Variants in GPC3 observed in about 807,000 individuals in gnomAD.
GPC3 encodes the protein glypican 3.
GPC3 carries 3 observed loss-of-function variants against 34.4 expected under a neutral mutation model. That is an observed-to-expected ratio of 0.09 (90% confidence interval 0.04 to 0.23). The LOEUF is 0.23. Ranked by LOEUF, GPC3 falls within the 10% of genes least tolerant of loss-of-function variation. The pLI is 1.00. For missense variants in GPC3, 351 were observed against 445.6 expected, an observed-to-expected ratio of 0.79 and a Z score of 1.91; for synonymous variants, 177 against 174.0, an observed-to-expected ratio of 1.02 and a Z score of -0.13.
intron 2 of GPC3, among the ~76,000 whole-genome samples, chrX:133,829,811 G>A (rs1434781051): frequency 9.0e-6 from 1 of 111,608 alleles, no homozygotes; most frequent in East Asian, 2.8e-4. Context: ...GGATAGAGAA[G>A]GACATTACAT....
chrX:133,781,524 C>T (rs1284224682), intron 2 of GPC3, among the ~76,000 whole-genome samples: 1 of 112,294 alleles, frequency 8.9e-6, no homozygotes, highest in Non-Finnish European at 1.9e-5. Flanking sequence ...CAACTTGCAA[C>T]ACTATCTTCA....
chrX:133,865,038 T>C (rs1378088669), intron 2 of GPC3, among the ~76,000 whole-genome samples: 1 of 111,350 alleles, frequency 9.0e-6, no homozygotes, highest in Non-Finnish European at 1.9e-5. Context: ...TATTGTTCTC[T>C]TTTTTTTTAA....
At chrX:133,913,778 G>A (rs1447139722) in intron 2 of GPC3, among the ~76,000 whole-genome samples, 1 of 111,329 alleles carries the variant, frequency 9.0e-6, no homozygotes, top group Non-Finnish European at 1.9e-5. Context: ...GAAAGAAATA[G>A]AATGAAAAAT....
chrX:133,610,325 T>A (rs1324389809), intron 6 of GPC3, among the ~76,000 whole-genome samples: 1 of 110,980 alleles, frequency 9.0e-6, no homozygotes, highest in Non-Finnish European at 1.9e-5. Context: ...TGTTTGGTGA[T>A]GATGGTGGTG....
chrX:133,684,719 A>AC (rs2070979975), intron 5 of GPC3, among the ~76,000 whole-genome samples: 1 of 111,256 alleles, frequency 9.0e-6, no homozygotes, highest in Non-Finnish European at 1.9e-5. Flanking sequence ...TATAAATTAA[A>AC]AAACAACAAC....
At chrX:133,788,095 TATA>T (rs2072122103) in intron 2 of GPC3, among the ~76,000 whole-genome samples, 1 of 47,122 alleles carries the variant, frequency 2.1e-5, no homozygotes, top group Admixed American at 1.8e-4. Context: ...ATTTTATATA[TATA>T]TATATATATA....
chrX:133,899,010 G>A (rs909248423), intron 2 of GPC3, among the ~76,000 whole-genome samples: 1 of 111,724 alleles, frequency 9.0e-6, no homozygotes, highest in Admixed American at 9.5e-5. Flanking sequence ...GTATATGTTT[G>A]GTCTCAACTT....
At chrX:133,648,898 T>C (rs1225148190) in intron 6 of GPC3, among the ~76,000 whole-genome samples, 4 of 112,308 alleles carry the variant, frequency 3.6e-5, no homozygotes, top group Non-Finnish European at 7.5e-5. Context: ...TAAAGTCTTG[T>C]CTAATTCCCT....
intron 2 of GPC3, among the ~76,000 whole-genome samples, chrX:133,924,448 A>G (rs1167249722): frequency 9.0e-6 from 1 of 111,533 alleles, no homozygotes; most frequent in East Asian, 2.8e-4. Context: ...AATAACTCCA[A>G]TTCACCCCCA....
intron 5 of GPC3, among the ~76,000 whole-genome samples, chrX:133,681,608 C>T (rs2070945231): frequency 8.9e-6 from 1 of 112,083 alleles, no homozygotes; most frequent in Non-Finnish European, 1.9e-5. Flanking sequence ...TTTCCTGTGG[C>T]CTGTGGAACA....
intron 2 of GPC3, among the ~76,000 whole-genome samples, chrX:133,769,242 CAGAG>C (rs2071887244): frequency 8.9e-6 from 1 of 111,770 alleles, no homozygotes; most frequent in Non-Finnish European, 1.9e-5. Flanking sequence ...GAGGGCAAAA[CAGAG>C]AGGTATCATC....
intron 3 of GPC3, among the ~76,000 whole-genome samples, chrX:133,737,067 T>C (rs2071517848): frequency 8.9e-6 from 1 of 111,988 alleles, no homozygotes; most frequent in South Asian, 3.7e-4. Context: ...CGAAAAGACA[T>C]GGAGTAAACT....
chrX:133,966,963 A>G (rs1410106282), intron 1 of GPC3, among the ~76,000 whole-genome samples: 2 of 111,962 alleles, frequency 1.8e-5, no homozygotes, highest in Non-Finnish European at 3.8e-5. Context: ...GCATGTTACT[A>G]AAGTCTAGAC....
At chrX:133,770,873 C>T (rs2071910393) in intron 2 of GPC3, among the ~76,000 whole-genome samples, 1 of 111,898 alleles carries the variant, frequency 8.9e-6, no homozygotes. Context: ...AGGAGTTTCA[C>T]CCTCAATATC....
intron 2 of GPC3, among the ~76,000 whole-genome samples, chrX:133,946,185 G>C (rs1424434213): frequency 4.5e-5 from 5 of 111,385 alleles, no homozygotes; most frequent in Non-Finnish European, 9.4e-5. Context: ...TTGCAAGGAG[G>C]AAAGTTAGAA....
intron 2 of GPC3, among the ~76,000 whole-genome samples, chrX:133,808,747 T>TAAA (rs200626423): frequency 9.6e-6 from 1 of 104,185 alleles, no homozygotes; most frequent in South Asian, 4.2e-4. Context: ...CATGAGTATT[T>TAAA]AAAAAAAAAA....
intron 1 of GPC3, among the ~76,000 whole-genome samples, chrX:133,976,943 A>AAATG (rs2076518711): frequency 9.4e-6 from 1 of 106,285 alleles, no homozygotes; most frequent in Admixed American, 1.0e-4. Flanking sequence ...ATAAATAAAT[A>AAATG]AATAAATAAA....
chrX:133,675,423 C>T (rs1466424868), intron 5 of GPC3, among the ~76,000 whole-genome samples: 3 of 111,200 alleles, frequency 2.7e-5, no homozygotes, highest in Admixed American at 1.9e-4. Context: ...GAGTGAGCCC[C>T]GGGTGTTCAG....
chrX:133,596,002 G>A (rs950434769), intron 7 of GPC3, among the ~76,000 whole-genome samples: 2 of 111,594 alleles, frequency 1.8e-5, no homozygotes, highest in Non-Finnish European at 3.8e-5. Context: ...TTGTTTGTTT[G>A]TTTTTAACTT....
Sources: allele counts gnomAD v4.1 joint callset (sites outside exome capture counted in the v4.1 genomes callset), GRCh38; gene constraint gnomAD v4.1.1; transcripts MANE v1.5; gene names NCBI Gene and HGNC (gene_info 2026-07-23, HGNC 2026-07-21).